The following ENTREP2 variants were observed in gnomAD, a reference collection of about 807,000 sequenced individuals.
ENTREP2 encodes endosomal transmembrane epsin interactor 2.
At chr15:29,179,021 G>A in the ENTREP2 span, among the ~76,000 whole-genome samples, 1 of 152,174 alleles carries the variant, frequency 6.6e-6, no homozygotes, top group African/African-American at 2.4e-5. Flanking sequence ...CTATTTATGT[G>A]GCCTACAGGC....
At chr15:29,276,036 T>C in the ENTREP2 span, among the ~76,000 whole-genome samples, 5 of 152,342 alleles carry the variant, frequency 3.3e-5, no homozygotes, top group South Asian at 2.1e-4. Context: ...ACAACAGTTA[T>C]ATATATTCAT....
At chr15:29,600,647 T>C in the ENTREP2 span, among the ~76,000 whole-genome samples, 2 of 152,110 alleles carry the variant, frequency 1.3e-5, no homozygotes, top group Non-Finnish European at 2.9e-5. Context: ...TTTATTTGAT[T>C]CTTTTGTAGG....
At chr15:29,566,796 A>C in the ENTREP2 span, among the ~76,000 whole-genome samples, 1 of 151,310 alleles carries the variant, frequency 6.6e-6, no homozygotes, top group South Asian at 2.1e-4. Flanking sequence ...TTTATATATT[A>C]ATTTCAGAGT....
At chr15:29,306,034 G>A in the ENTREP2 span, among the ~76,000 whole-genome samples, 1 of 152,242 alleles carries the variant, frequency 6.6e-6, no homozygotes, top group Non-Finnish European at 1.5e-5. Flanking sequence ...TGTTGCTGTG[G>A]GGTCAGGTGA....
chr15:29,389,857 C>G, the ENTREP2 span, among the ~76,000 whole-genome samples: 2 of 152,174 alleles, frequency 1.3e-5, no homozygotes, highest in Admixed American at 6.5e-5. Flanking sequence ...TTCAAAACAT[C>G]TGCTTTCTCC....
the ENTREP2 span, among the ~76,000 whole-genome samples, chr15:29,422,501 T>C: frequency 6.6e-6 from 1 of 151,550 alleles, no homozygotes; most frequent in South Asian, 2.1e-4. Flanking sequence ...ACTCTAGGAG[T>C]TTGTAGGGGG....
the ENTREP2 span, among the ~76,000 whole-genome samples, chr15:29,240,523 ATCTTGCTCTT>A: frequency 6.6e-6 from 1 of 152,096 alleles, no homozygotes; most frequent in Non-Finnish European, 1.5e-5. Context: ...TGAGTTCAAT[ATCTTGCTCTT>A]TCTTTGGCCC....
the ENTREP2 span, among the ~76,000 whole-genome samples, chr15:29,617,055 C>A: frequency 6.6e-6 from 1 of 152,074 alleles, no homozygotes; most frequent in Admixed American, 6.5e-5. Flanking sequence ...GTGAGACGCC[C>A]TCTCAAATTA....
chr15:29,381,917 A>G, the ENTREP2 span: 1 of 1,270,526 alleles, frequency 7.9e-7, no homozygotes, highest in Non-Finnish European at 1.1e-6. Context: ...TTCAACCCGG[A>G]GAAGGACGTG....
the ENTREP2 span, among the ~76,000 whole-genome samples, chr15:29,238,225 C>A: frequency 6.6e-6 from 1 of 152,166 alleles, no homozygotes; most frequent in South Asian, 2.1e-4. Flanking sequence ...GCTAAAGGTA[C>A]AGGGTTGCTT....
At chr15:29,474,049 C>G in the ENTREP2 span, among the ~76,000 whole-genome samples, 258 of 152,322 alleles carry the variant, frequency 1.7e-3, 1 homozygote, top group African/African-American at 5.7e-3. Context: ...ATAGCAAACC[C>G]TGAAGCACAG....
the ENTREP2 span, among the ~76,000 whole-genome samples, chr15:29,403,276 C>T: frequency 2.0e-5 from 3 of 152,122 alleles, no homozygotes; most frequent in Non-Finnish European, 4.4e-5. Context: ...AGGACCCAAA[C>T]GTATTCAAGA....
chr15:29,527,657 A>G, the ENTREP2 span, among the ~76,000 whole-genome samples: 2 of 152,084 alleles, frequency 1.3e-5, no homozygotes, highest in African/African-American at 4.8e-5. Context: ...TCCACTGCAG[A>G]CCCTGTAATC....
At chr15:29,635,441 G>C in the ENTREP2 span, among the ~76,000 whole-genome samples, 2 of 152,144 alleles carry the variant, frequency 1.3e-5, no homozygotes, top group East Asian at 3.8e-4. Context: ...ACCCAGCCTC[G>C]TCCATAGTGT....
the ENTREP2 span, among the ~76,000 whole-genome samples, chr15:29,307,601 A>G: frequency 6.6e-6 from 1 of 152,242 alleles, no homozygotes; most frequent in Non-Finnish European, 1.5e-5. Flanking sequence ...AGCCTTAACC[A>G]CCAATGTGAC....
the ENTREP2 span, among the ~76,000 whole-genome samples, chr15:29,411,226 G>T: frequency 6.6e-6 from 1 of 152,188 alleles, no homozygotes; most frequent in Non-Finnish European, 1.5e-5. Context: ...GAGTAGAACT[G>T]CAGGTCACGG....
the ENTREP2 span, among the ~76,000 whole-genome samples, chr15:29,380,725 A>C: frequency 0.019 from 2,970 of 152,310 alleles, 98 homozygotes; most frequent in African/African-American, 0.068. Context: ...GGGTTCCCCC[A>C]AAAACACAAA....
the ENTREP2 span, among the ~76,000 whole-genome samples, chr15:29,416,656 T>C: frequency 2.0e-5 from 3 of 152,016 alleles, no homozygotes; most frequent in South Asian, 2.1e-4. Context: ...TGGGATCTAA[T>C]TAAACTAAAG....
the ENTREP2 span, among the ~76,000 whole-genome samples, chr15:29,335,419 C>T: frequency 2.6e-5 from 4 of 152,226 alleles, no homozygotes; most frequent in Non-Finnish European, 5.9e-5. Flanking sequence ...ACCCCAAGTT[C>T]ATACTCTTTA....
Sources: allele counts gnomAD v4.1 joint callset (sites outside exome capture counted in the v4.1 genomes callset), GRCh38; gene constraint gnomAD v4.1.1; transcripts MANE v1.5; gene names NCBI Gene and HGNC (gene_info 2026-07-23, HGNC 2026-07-21).